The following ABCA13 variants were observed in gnomAD, a reference collection of about 807,000 sequenced individuals.
ABCA13 encodes ATP binding cassette subfamily A member 13, also known as ATP-binding cassette sub-family A member 13.
ABCA13 carries 476 observed loss-of-function variants against 478.7 expected under a neutral mutation model. The observed-to-expected ratio is 0.99, with a 90% CI of 0.92 to 1.07. The LOEUF (loss-of-function observed/expected upper bound fraction) is 1.07, where lower values mean the gene tolerates loss of function less well. ABCA13 is among the 50% of genes least tolerant of loss of function. The pLI is 0.00. For synonymous variants in ABCA13, 2,252 were observed against 2,158.9 expected, an observed-to-expected ratio of 1.04 and a Z score of -1.20; for missense variants, 6,060 against 5,910.6, an observed-to-expected ratio of 1.03 and a Z score of -0.83.
chr7:48,403,830 C>A lies in ABCA13; in HGVS notation c.12021C>A (p.Asp4007Glu). Residue 4007 changes from aspartate to glutamate, a missense_variant, in exon 39 of 62, where the codon GAC becomes GAA. By Grantham distance (45) the Asp-to-Glu change is conservative. Transcript: ENST00000435803. ...TGGATGAGCCCACCAGTGGGGTGGACCCTTGCTCCCGGCATAGCCTGTGGG... is the reference window on the plus strand; with the variant it reads ...TGGATGAGCCCACCAGTGGGGTGGAACCTTGCTCCCGGCATAGCCTGTGGG... Reference protein sequence around the residue: ...VVLDEPTSGVDPCSRHSLWDI... With the variant: ...VVLDEPTSGVEPCSRHSLWDI... The A allele has an allele frequency of 6.2e-7, 1 of 1,613,730 alleles. No homozygotes were observed. Among genetic ancestry groups the A allele is most frequent in the South Asian group, 1.1e-5 (1 of 91,054 alleles).
At chr7:48,644,528 A>T (rs557608362) in intron 60 of ABCA13, 89 bp from the exon 61 acceptor site, 21 of 1,382,576 alleles carry the variant, frequency 1.5e-5, no homozygotes, top group African/African-American at 3.0e-5. Flanking sequence ...ACGTAACTGA[A>T]TTTTTTTGCC....
chr7:48,428,848 C>T (rs1435887484), intron 42 of ABCA13, among the ~76,000 whole-genome samples: 1 of 152,156 alleles, frequency 6.6e-6, no homozygotes, highest in African/African-American at 2.4e-5. Context: ...CATTCAGTGG[C>T]TTTTAGCTTC....
intron 36 of ABCA13, 149 bp downstream of exon 36, chr7:48,388,108 C>G (rs376350832): frequency 5.5e-5 from 44 of 805,088 alleles, no homozygotes; most frequent in East Asian, 4.2e-4. Context: ...TGGGAAACAG[C>G]TGCAAGCCCA....
At chr7:48,314,747 A>G (rs1351604063) in intron 26 of ABCA13, among the ~76,000 whole-genome samples, 1 of 152,154 alleles carries the variant, frequency 6.6e-6, no homozygotes, top group Non-Finnish European at 1.5e-5. Context: ...GGTCCATGCA[A>G]ATGGCTATAT....
At chr7:48,471,754 A>G (rs1157558310) in intron 45 of ABCA13, among the ~76,000 whole-genome samples, 155 bp downstream of exon 45, 9 of 152,212 alleles carry the variant, frequency 5.9e-5, no homozygotes, top group Admixed American at 5.9e-4. Context: ...TTTGTCACAT[A>G]AAGTGAATAT....
intron 5 of ABCA13, among the ~76,000 whole-genome samples, chr7:48,225,127 G>GCCT (rs1325153089): frequency 1.5e-4 from 12 of 82,000 alleles, no homozygotes; most frequent in African/African-American, 5.7e-4. Context: ...CTGCCTGCCT[G>GCCT]CCTGCCTGCC....
At chr7:48,211,709 A>G (rs748602051) in intron 3 of ABCA13, among the ~76,000 whole-genome samples, 1 of 152,150 alleles carries the variant, frequency 6.6e-6, no homozygotes, top group Non-Finnish European at 1.5e-5. Flanking sequence ...GGTCCATCCC[A>G]TCAGGGCAGC....
intron 23 of ABCA13, among the ~76,000 whole-genome samples, chr7:48,301,499 CA>C (rs1800150921): frequency 1.3e-5 from 2 of 151,540 alleles, no homozygotes; most frequent in African/African-American, 4.8e-5. Flanking sequence ...TCAGAGCAGA[CA>C]CTGGTCAAAA....
intron 47 of ABCA13, among the ~76,000 whole-genome samples, chr7:48,486,868 T>C (rs1585549172): frequency 6.6e-6 from 1 of 152,152 alleles, no homozygotes; most frequent in African/African-American, 2.4e-5. Flanking sequence ...TTCAGGAACA[T>C]ACATGTGCCT....
intron 26 of ABCA13, among the ~76,000 whole-genome samples, chr7:48,314,632 G>A (rs567681773): frequency 6.6e-6 from 1 of 152,270 alleles, no homozygotes; most frequent in South Asian, 2.1e-4. Flanking sequence ...AAGGAACTGT[G>A]TCACCAAGGA....
intron 43 of ABCA13, among the ~76,000 whole-genome samples, chr7:48,462,522 G>A (rs1465258141): frequency 6.6e-6 from 1 of 151,486 alleles, no homozygotes; most frequent in Non-Finnish European, 1.5e-5. Context: ...TTTGGGGGGT[G>A]GGGGAGTACA....
chr7:48,635,278 G>C (rs990560687), intron 59 of ABCA13, among the ~76,000 whole-genome samples: 1 of 151,104 alleles, frequency 6.6e-6, no homozygotes, highest in East Asian at 2.0e-4. Context: ...TTTGGGGATA[G>C]ATTAGCAGTT....
chr7:48,274,334 G>C lies in ABCA13; in HGVS notation c.4668G>C (p.Lys1556Asn). 6.2e-7 allele frequency: 1 copy of C among 1,613,376 alleles called. No homozygotes were observed. Among genetic ancestry groups the C allele is most frequent in the Non-Finnish European group, 8.5e-7 (1 of 1,179,690 alleles). Reference protein sequence around the residue: ...HLITLGKEFQKLVKGIYFNIL... With the variant: ...HLITLGKEFQNLVKGIYFNIL... ...TAACACTGGGGAAGGAATTTCAGAA[G>C]CTTGTAAAAGGTATTTACTTTAACA... The change falls in exon 17 of 62, where the codon AAG (lysine) becomes AAC (asparagine). Residue 1556 changes from lysine (K) to asparagine (N), a missense_variant. Physicochemically the swap from Lys to Asn is moderately conservative, Grantham distance 94. This residue lies in a region of ABCA13 where 4,423 missense variants were observed against 4,309.1 expected (regional missense o/e 1.03). Coordinates refer to ENST00000435803, the MANE Select transcript of ABCA13 (RefSeq NM_152701.5).
chr7:48,273,953 CAA>C lies in ABCA13; in HGVS notation c.4290_4291del (p.Lys1430AsnfsTer38). On this transcript the variant is annotated frameshift_variant, in exon 17 of 62. Transcript: ENST00000435803. LOFTEE classifies it high-confidence loss of function. ...ILGNFRDIEN[K>X]MNSILKIVTW... ...TGGGGAATTTCAGAGATATAGAAAA[CAA>C]AATGAACTCTATATTAAAAATTGTA... 2 of 1,610,836 alleles carry C rather than the reference CAA, an allele frequency of 1.2e-6. No homozygotes were observed. Among genetic ancestry groups the C allele is most frequent in the Non-Finnish European group, 8.5e-7 (1 of 1,178,210 alleles).
At chr7:48,297,459 G>A (rs775408591) in intron 22 of ABCA13, 148 bp downstream of exon 22, 4 of 817,614 alleles carry the variant, frequency 4.9e-6, no homozygotes, top group Non-Finnish European at 7.6e-6. Context: ...GATGTATTTG[G>A]CATTTATAAA....
At chr7:48,633,546 C>CA (rs751369664) in intron 59 of ABCA13, among the ~76,000 whole-genome samples, 3 of 151,894 alleles carry the variant, frequency 2.0e-5, no homozygotes, top group Non-Finnish European at 2.9e-5. Context: ...TCAATAAATT[C>CA]AAAAAATTGA....
rs11983550 is a variant in ABCA13, at chr7:48,524,787, A to G, written c.14244+347A>G. ...CACTTTTATCTCTTACTGGGACATC[A>G]GTACTCTAAGTGTCCAATTAAGCCC... On this transcript the variant is annotated intron_variant, in intron 54 of 61. Transcript: ENST00000435803. 4.6e-3 allele frequency among the ~76,000 whole-genome samples: 707 copies of G among 152,316 alleles called. 4 individuals are homozygous for G. The highest frequency in any genetic ancestry group is 0.016 in the African/African-American group (666 of 41,578).
At chr7:48,174,078 T>C (rs1238257323) in intron 1 of ABCA13, among the ~76,000 whole-genome samples, 2 of 152,254 alleles carry the variant, frequency 1.3e-5, no homozygotes, top group African/African-American at 2.4e-5. Context: ...GTGAATGTCT[T>C]TAAACTGACC....
chr7:48,520,667 A>G (rs1243656612), intron 53 of ABCA13, among the ~76,000 whole-genome samples: 4 of 152,166 alleles, frequency 2.6e-5, no homozygotes, highest in African/African-American at 7.2e-5. Context: ...CTCATCGTTT[A>G]CATTAGATAT....
Sources: gnomAD v4.1 joint callset for allele counts (sites outside exome capture counted in the v4.1 genomes callset) on GRCh38, gnomAD v4.1.1 for gene constraint, gnomAD v4.1.1 regional missense constraint, MANE v1.5 for transcripts, NCBI Gene and HGNC (gene_info 2026-07-23, HGNC 2026-07-21) for gene names.